QTMAN: variants seen among roughly 807,000 people sequenced by gnomAD.
QTMAN encodes the protein tRNA-queuosine alpha-mannosyltransferase.
At chr2:144,207,319 A>G in the QTMAN span, among the ~76,000 whole-genome samples, 1 of 152,192 alleles carries the variant, frequency 6.6e-6, no homozygotes, top group Non-Finnish European at 1.5e-5. Context: ...GACGATACAT[A>G]ATTTTCATAC....
chr2:144,223,271 A>G, the QTMAN span, among the ~76,000 whole-genome samples: 1 of 152,112 alleles, frequency 6.6e-6, no homozygotes, highest in African/African-American at 2.4e-5. Flanking sequence ...AAAACAAAAA[A>G]AAACTAATAA....
chr2:144,142,818 C>T, the QTMAN span, among the ~76,000 whole-genome samples: 6 of 152,000 alleles, frequency 3.9e-5, no homozygotes, highest in African/African-American at 1.2e-4. Context: ...TCTTCGAATT[C>T]AATGAAATAA....
the QTMAN span, among the ~76,000 whole-genome samples, chr2:144,101,392 T>TCACA: frequency 8.1e-6 from 1 of 123,672 alleles, no homozygotes; most frequent in African/African-American, 3.8e-5. Flanking sequence ...TCTATCTCTC[T>TCACA]CTCACACACA....
chr2:144,235,008 G>A, the QTMAN span, among the ~76,000 whole-genome samples: 1 of 152,170 alleles, frequency 6.6e-6, no homozygotes, highest in Non-Finnish European at 1.5e-5. Context: ...GGGTAAGTCT[G>A]CCATGTAATT....
the QTMAN span, among the ~76,000 whole-genome samples, chr2:144,161,693 T>C: frequency 6.6e-6 from 1 of 152,104 alleles, no homozygotes; most frequent in South Asian, 2.1e-4. Context: ...TATTTTAAAA[T>C]CCAGCCCAAG....
chr2:144,026,796 AT>A, the QTMAN span, among the ~76,000 whole-genome samples: 3 of 152,194 alleles, frequency 2.0e-5, no homozygotes, highest in African/African-American at 7.2e-5. Flanking sequence ...AGGCAAGAAT[AT>A]GTACTCAAAT....
the QTMAN span, among the ~76,000 whole-genome samples, chr2:144,027,096 T>C: frequency 6.6e-6 from 1 of 152,188 alleles, no homozygotes; most frequent in Non-Finnish European, 1.5e-5. Flanking sequence ...ATACATAATG[T>C]CCCTGAGCTA....
the QTMAN span, among the ~76,000 whole-genome samples, chr2:144,022,554 C>T: frequency 7.0e-6 from 1 of 143,502 alleles, no homozygotes; most frequent in Non-Finnish European, 1.5e-5. Context: ...CTCTCTCTCT[C>T]TCTCTCTTTT....
the QTMAN span, among the ~76,000 whole-genome samples, chr2:144,079,293 G>A: frequency 6.6e-6 from 1 of 152,104 alleles, no homozygotes; most frequent in Non-Finnish European, 1.5e-5. Context: ...CCAGTGAACA[G>A]TACTTAGGAG....
At chr2:144,248,836 T>G in the QTMAN span, among the ~76,000 whole-genome samples, 1 of 152,144 alleles carries the variant, frequency 6.6e-6, no homozygotes, top group Non-Finnish European at 1.5e-5. Context: ...TCGCTCTGAT[T>G]GTTCTTCAGT....
At chr2:144,158,528 A>G in the QTMAN span, among the ~76,000 whole-genome samples, 1 of 151,950 alleles carries the variant, frequency 6.6e-6, no homozygotes, top group East Asian at 1.9e-4. Flanking sequence ...ATGAGGCTAA[A>G]AACTATTTTT....
chr2:143,972,785 A>T, the QTMAN span, among the ~76,000 whole-genome samples: 1 of 152,210 alleles, frequency 6.6e-6, no homozygotes, highest in Non-Finnish European at 1.5e-5. Flanking sequence ...TCCCAAAGTT[A>T]TCTGTCAGAA....
At chr2:144,225,342 T>C in the QTMAN span, among the ~76,000 whole-genome samples, 3 of 152,188 alleles carry the variant, frequency 2.0e-5, no homozygotes, top group African/African-American at 7.2e-5. Context: ...TTCATCAGCC[T>C]TCTAACTCAT....
At chr2:144,242,960 T>TAAAAAAAAAAAAA in the QTMAN span, among the ~76,000 whole-genome samples, 100 of 77,798 alleles carry the variant, frequency 1.3e-3, 5 homozygotes, top group African/African-American at 4.7e-3. Context: ...AGACTCTACT[T>TAAAAAAAAAAAAA]AAAAAAAAAA....
chr2:144,004,900 T>C, the QTMAN span, among the ~76,000 whole-genome samples: 12 of 152,078 alleles, frequency 7.9e-5, no homozygotes, highest in Non-Finnish European at 1.6e-4. Context: ...CAAGAGTTTT[T>C]TGCCCGAAGG....
chr2:144,134,976 A>T, the QTMAN span, among the ~76,000 whole-genome samples: 2 of 152,176 alleles, frequency 1.3e-5, no homozygotes, highest in Non-Finnish European at 2.9e-5. Flanking sequence ...ATATACAAAT[A>T]TCAGCCTGAC....
At chr2:144,133,234 T>TAGAC in the QTMAN span, among the ~76,000 whole-genome samples, 1 of 60,902 alleles carries the variant, frequency 1.6e-5, no homozygotes, top group African/African-American at 8.2e-5. Flanking sequence ...TATATATTTA[T>TAGAC]ATTTATATAT....
At chr2:144,147,389 C>A in the QTMAN span, among the ~76,000 whole-genome samples, 1 of 151,748 alleles carries the variant, frequency 6.6e-6, no homozygotes, top group African/African-American at 2.4e-5. Flanking sequence ...CACACCACTA[C>A]CACATATAAG....
the QTMAN span, among the ~76,000 whole-genome samples, chr2:144,093,173 A>T: frequency 1.3e-5 from 2 of 152,156 alleles, no homozygotes; most frequent in African/African-American, 4.8e-5. Context: ...TTCAGAGATG[A>T]TTTTTATCTA....
Sources: allele counts gnomAD v4.1 joint callset (sites outside exome capture counted in the v4.1 genomes callset), GRCh38; gene constraint gnomAD v4.1.1; transcripts MANE v1.5; gene names NCBI Gene and HGNC (gene_info 2026-07-23, HGNC 2026-07-21).